Variants in ADAM29 observed in about 807,000 individuals in gnomAD.
ADAM29 encodes disintegrin and metalloproteinase domain-containing protein 29.
For missense variants in ADAM29, 969 were observed against 1,001.8 expected (o/e 0.97, Z 0.44); for synonymous variants, 367 against 342.3 (o/e 1.07, Z -0.80).
Position 174,977,672 on chromosome 4 carries a change from A to G in ADAM29, c.2147A>G (p.Lys716Arg), listed in dbSNP as rs1463390927. ...KQQDVQTPSA[K>R]EEEKIQRRPH... ...CAAGATGTTCAAACTCCATCTGCAA[A>G]AGAAGAGGAAAAAATTCAGCGTCGA... Residue 716 changes from lysine (K) to arginine (R), a missense_variant, in exon 5 of 5, where the codon AAA becomes AGA. Transcript: ENST00000359240. The G allele has an allele frequency of 6.2e-7, 1 of 1,614,250 alleles. No homozygotes were observed.
intron 2 of ADAM29, among the ~76,000 whole-genome samples, chr4:174,922,255 A>C (rs1743205949): frequency 6.6e-6 from 1 of 152,214 alleles, no homozygotes; most frequent in Non-Finnish European, 1.5e-5. Flanking sequence ...TGATGACAAT[A>C]GCTTATCAAC....
At chr4:174,948,134 A>G (rs956122184) in intron 4 of ADAM29, among the ~76,000 whole-genome samples, 3 of 152,146 alleles carry the variant, frequency 2.0e-5, no homozygotes, top group Non-Finnish European at 4.4e-5. Flanking sequence ...TTGATGATCC[A>G]TCTACCTTCT....
At chr4:174,931,440 G>C (rs961088021) in intron 3 of ADAM29, 2 of 152,100 alleles carry the variant, frequency 1.3e-5, no homozygotes, top group Admixed American at 6.5e-5. Context: ...ATTTCTTTTT[G>C]ATTCAAAATT....
At position 174,976,230 on chromosome 4, in the gene ADAM29, T is replaced by G; in HGVS notation, c.705T>G (p.Ile235Met). 1 of 1,605,110 alleles carries G rather than the reference T, an allele frequency of 6.2e-7. No individual in the cohort carries two copies. ...LYVIVNIVDS[I>M]LDVIGVKVLL... ...TTATTGTTAATATAGTGGATTCCAT[T>G]TTGGATGTCATTGGTGTTAAGGTGT... Residue 235 changes from isoleucine to methionine, a missense_variant, in exon 5 of 5, where the codon ATT (isoleucine) becomes ATG (methionine). Physicochemically the swap from Ile to Met is conservative, Grantham distance 10. Transcript: ENST00000359240.
rs1333789577 is a variant in ADAM29 at position 174,976,746 on chromosome 4, A to C, written c.1221A>C (p.Glu407Asp). 1 of 1,613,940 alleles carries C rather than the reference A, an allele frequency of 6.2e-7. No homozygotes were observed. Among genetic ancestry groups the C allele is most frequent in the Non-Finnish European group, 8.5e-7 (1 of 1,179,906 alleles). The change falls in exon 5 of 5, where the codon GAA becomes GAC. Residue 407 changes from glutamate (E) to aspartate (D), a missense_variant. Transcript: ENST00000359240. ...GCTGTGGGAATGGTGTTGTTGAAGA[A>C]GGAGAAGAGTGTGACTGTGGACCTT... The part of the protein sequence containing the change: ...VKRCGNGVVE[E>D]GEECDCGPLK...
chr4:174,956,887 A>G (rs7661012), intron 4 of ADAM29, among the ~76,000 whole-genome samples: 49,747 of 151,662 alleles, frequency 0.33, 9,346 homozygotes, highest in African/African-American at 0.51. Flanking sequence ...GAAATAAACC[A>G]TATGATTCCT....
intron 4 of ADAM29, among the ~76,000 whole-genome samples, chr4:174,954,673 C>A (rs1745398817): frequency 6.6e-6 from 1 of 152,154 alleles, no homozygotes; most frequent in African/African-American, 2.4e-5. Flanking sequence ...TTTTTACACA[C>A]ATCTCTGTTC....
intron 4 of ADAM29, among the ~76,000 whole-genome samples, chr4:174,959,707 T>C (rs776501329): frequency 1.3e-4 from 19 of 151,972 alleles, no homozygotes; most frequent in South Asian, 6.2e-4. Context: ...TGTACTTCAA[T>C]TGGTAAATTT....
intron 2 of ADAM29, among the ~76,000 whole-genome samples, chr4:174,923,525 G>GTGTATATATATATATA (rs1447408794): frequency 1.0e-4 from 10 of 96,676 alleles, no homozygotes; most frequent in African/African-American, 1.1e-4. Context: ...TGCATTATAT[G>GTGTATATATATATATA]TATATATATA....
At chr4:174,956,498 G>T (rs1745509232) in intron 4 of ADAM29, among the ~76,000 whole-genome samples, 1 of 143,622 alleles carries the variant, frequency 7.0e-6, no homozygotes, top group African/African-American at 2.7e-5. Flanking sequence ...GTGTGTCTGT[G>T]TGTGTGTGTT....
intron 4 of ADAM29, among the ~76,000 whole-genome samples, chr4:174,960,562 A>G (rs1392302468): frequency 6.6e-6 from 1 of 152,094 alleles, no homozygotes; most frequent in Non-Finnish European, 1.5e-5. Context: ...ATTCTGGATG[A>G]GAAGGGACCT....
chr4:174,970,941 TAA>T (rs563025015), intron 4 of ADAM29, among the ~76,000 whole-genome samples: 95 of 152,230 alleles, frequency 6.2e-4, no homozygotes, highest in African/African-American at 2.2e-3. Flanking sequence ...TTTAAGCTGA[TAA>T]GTTCAATAGC....
chr4:174,931,816 T>TCACA (rs34499872), intron 3 of ADAM29, among the ~76,000 whole-genome samples: 20,511 of 150,384 alleles, frequency 0.14, 2,035 homozygotes, highest in East Asian at 0.54. Flanking sequence ...TCTCTCTCTG[T>TCACA]CACACACACA....
intron 4 of ADAM29, among the ~76,000 whole-genome samples, chr4:174,955,494 A>T (rs1266756166): frequency 2.0e-5 from 3 of 152,104 alleles, no homozygotes; most frequent in African/African-American, 7.2e-5. Flanking sequence ...ATTGCTATCA[A>T]CAAACAATTG....
intron 4 of ADAM29, among the ~76,000 whole-genome samples, chr4:174,943,402 T>A (rs1744657102): frequency 6.6e-6 from 1 of 152,206 alleles, no homozygotes; most frequent in South Asian, 2.1e-4. Context: ...TAATTTATTT[T>A]TAAAAAGAAG....
Position 174,977,610 on chromosome 4 carries a change from T to C in ADAM29, c.2085T>C (p.Tyr695=). 1 of 1,613,892 alleles carries C rather than the reference T, an allele frequency of 6.2e-7. No homozygotes were observed. Among genetic ancestry groups the C allele is most frequent in the Non-Finnish European group, 8.5e-7 (1 of 1,179,928 alleles). Residue 695 remains tyrosine (Y), a synonymous_variant, in exon 5 of 5, where the codon TAT becomes TAC. Transcript: ENST00000359240. ...TGTTTATTTTATTATGTTGTCTTTA[T>C]CGACTTTGTAAAAAAAGTAAACCAA... is the stretch of plus-strand genomic sequence containing the variant. The part of the protein sequence containing the change: ...IVLFILLCCL[Y]RLCKKSKPIK...
intron 4 of ADAM29, among the ~76,000 whole-genome samples, chr4:174,968,301 C>A (rs1341756440): frequency 6.6e-6 from 1 of 152,040 alleles, no homozygotes; most frequent in East Asian, 1.9e-4. Flanking sequence ...CATCAGTGGC[C>A]CTCTGGAACA....
chr4:174,976,963 T>C lies in ADAM29; in HGVS notation c.1438T>C (p.Tyr480His), dbSNP rs749540231. 11 of 1,613,994 alleles carry C rather than the reference T, an allele frequency of 6.8e-6. No homozygotes were observed. The highest frequency in any genetic ancestry group is 2.7e-5 in the African/African-American group (2 of 74,912). ...TTCCCATAAGTGCCCAGATGACTTTTATGTGGAAGATGGAATTCCCTGTAA... is the reference window on the plus strand; with the variant it reads ...TTCCCATAAGTGCCCAGATGACTTTCATGTGGAAGATGGAATTCCCTGTAA... ...GTSHKCPDDF[Y>H]VEDGIPCKER... The change falls in exon 5 of 5, where the codon TAT (tyrosine) becomes CAT (histidine). Residue 480 changes from tyrosine to histidine, a missense_variant. Tyr to His is a moderately conservative substitution (Grantham distance 83). Transcript: ENST00000359240.
chr4:174,966,844 G>A (rs1463313697), intron 4 of ADAM29, among the ~76,000 whole-genome samples: 1 of 152,180 alleles, frequency 6.6e-6, no homozygotes, highest in African/African-American at 2.4e-5. Context: ...TATATTTGTA[G>A]CAGAATGGCA....
Sources: allele counts gnomAD v4.1 joint callset (sites outside exome capture counted in the v4.1 genomes callset), GRCh38; gene constraint gnomAD v4.1.1; transcripts MANE v1.5; gene names NCBI Gene and HGNC (gene_info 2026-07-23, HGNC 2026-07-21).